The following ABLIM3 variants were observed in gnomAD, a reference collection of about 807,000 sequenced individuals.
ABLIM3 encodes the protein actin-binding LIM protein 3.
A neutral mutation model predicts 109.5 loss-of-function variants in ABLIM3; 61 were observed. The ratio of observed to expected loss-of-function variants is 0.56; its 90% CI spans 0.45 to 0.69. The LOEUF (loss-of-function observed/expected upper bound fraction) is 0.69. Among genes scored for constraint, ABLIM3 ranks in the 30% least tolerant of loss-of-function variants. ABLIM3 has a pLI of 0.00. For synonymous variants in ABLIM3, 300 were observed against 324.8 expected, an observed-to-expected ratio of 0.92 and a Z score of 0.82; for missense variants, 796 against 889.5, an observed-to-expected ratio of 0.89 and a Z score of 1.34.
chr5:149,192,228 C>A, intron 3 of ABLIM3, among the ~76,000 whole-genome samples: 1 of 151,536 alleles, frequency 6.6e-6, no homozygotes. Flanking sequence ...AAAAAAAAAC[C>A]TATTATTTTT....
At position 149,180,175 on chromosome 5, in the gene ABLIM3, G is replaced by A. The variant is rs76562508; in HGVS notation, c.14-3277G>A. The stretch of plus-strand genomic sequence containing the variant: ...CATAAGAGGTAGTTCAAATATTCAC[G>A]TGTAAGTCAATTTGGAATTCAAAAG... On this transcript the variant is annotated intron_variant, in intron 2 of 23. Transcript: ENST00000309868. Among the ~76,000 whole-genome samples, 1,550 of 152,278 alleles carry A rather than the reference G, an allele frequency of 0.01. 52 individuals carry two copies. The East Asian group carries it at 0.11, about 11-fold the overall frequency.
chr5:149,203,586 A>G (rs1248445427), intron 5 of ABLIM3, among the ~76,000 whole-genome samples: 3 of 152,072 alleles, frequency 2.0e-5, no homozygotes, highest in African/African-American at 4.8e-5. Context: ...CAACACCACC[A>G]TCACCATCAA....
At chr5:149,214,663 C>G (rs1445058905) in intron 7 of ABLIM3, among the ~76,000 whole-genome samples, 1 of 152,212 alleles carries the variant, frequency 6.6e-6, no homozygotes, top group African/African-American at 2.4e-5. Context: ...AGCACATCGT[C>G]TGGCACACTG....
At chr5:149,223,995 C>T (rs1362470429) in intron 8 of ABLIM3, among the ~76,000 whole-genome samples, 1 of 152,156 alleles carries the variant, frequency 6.6e-6, no homozygotes, top group East Asian at 1.9e-4. Flanking sequence ...AATGGCCATT[C>T]CCATGTTGCA....
chr5:149,189,364 T>G (rs1355327449), intron 3 of ABLIM3, among the ~76,000 whole-genome samples: 2 of 152,204 alleles, frequency 1.3e-5, no homozygotes, highest in African/African-American at 4.8e-5. Context: ...TTAGATATTA[T>G]CAAAATTTAA....
At chr5:149,225,939 ATGTATG>A (rs1761150713) in intron 8 of ABLIM3, among the ~76,000 whole-genome samples, 17 of 141,824 alleles carry the variant, frequency 1.2e-4, no homozygotes, top group African/African-American at 4.0e-4. Context: ...ATATATATAT[ATGTATG>A]TATGTATATA....
chr5:149,212,247 G>A (rs562748654), intron 7 of ABLIM3, among the ~76,000 whole-genome samples: 12 of 152,280 alleles, frequency 7.9e-5, no homozygotes, highest in Non-Finnish European at 7.4e-5. Flanking sequence ...CAAATGAGCA[G>A]AGCTGGGAAA....
chr5:149,192,797 A>G (rs1459971064), intron 3 of ABLIM3, among the ~76,000 whole-genome samples: 3 of 145,326 alleles, frequency 2.1e-5, no homozygotes, highest in Admixed American at 6.7e-5. Context: ...ATAGAAGTGC[A>G]GAACATCAAT....
chr5:149,239,171 T>C, intron 11 of ABLIM3, 77 bp from the exon 12 acceptor site: 1 of 1,448,732 alleles, frequency 6.9e-7, no homozygotes, highest in Non-Finnish European at 9.7e-7. Flanking sequence ...CATCTAACCA[T>C]GCTCTGTCCT....
chr5:149,164,287 G>T (rs1008756415), intron 2 of ABLIM3: 8 of 152,166 alleles, frequency 5.3e-5, no homozygotes, highest in African/African-American at 9.7e-5. Flanking sequence ...CATTTATGCT[G>T]ACCAAAAACT....
intron 2 of ABLIM3, 117 bp downstream of exon 2, chr5:149,142,225 C>T (rs879356301): frequency 5.5e-5 from 79 of 1,430,538 alleles, no homozygotes; most frequent in Non-Finnish European, 7.6e-5. Flanking sequence ...GGACACATGA[C>T]CCCCAGGCTC....
intron 2 of ABLIM3, among the ~76,000 whole-genome samples, chr5:149,161,131 GC>G (rs1310364436): frequency 6.6e-6 from 1 of 152,190 alleles, no homozygotes; most frequent in Non-Finnish European, 1.5e-5. Flanking sequence ...CTGTCCTCTA[GC>G]CCAGGGCACC....
At chr5:149,226,745 T>C (rs1281041990) in intron 8 of ABLIM3, among the ~76,000 whole-genome samples, 1 of 152,162 alleles carries the variant, frequency 6.6e-6, no homozygotes, top group Non-Finnish European at 1.5e-5. Context: ...TCTAGAAGAC[T>C]ATGATACCAA....
At chr5:149,228,060 G>C (rs1433093208) in intron 8 of ABLIM3, among the ~76,000 whole-genome samples, 2 of 152,174 alleles carry the variant, frequency 1.3e-5, no homozygotes, top group Non-Finnish European at 2.9e-5. Flanking sequence ...ACATCCCTTA[G>C]TGTAAGTACT....
chr5:149,196,742 T>C (rs1758016745), intron 3 of ABLIM3, among the ~76,000 whole-genome samples: 1 of 152,252 alleles, frequency 6.6e-6, no homozygotes, highest in African/African-American at 2.4e-5. Context: ...ACAGTTCTGG[T>C]GGCCCTGTGA....
At chr5:149,257,710 A>G (rs80186094) in intron 23 of ABLIM3, among the ~76,000 whole-genome samples, 106 of 152,342 alleles carry the variant, frequency 7.0e-4, no homozygotes, top group African/African-American at 2.5e-3. Context: ...AAAATCCACT[A>G]TAGAATGCAG....
chr5:149,223,172 T>C (rs147082440), intron 8 of ABLIM3, among the ~76,000 whole-genome samples: 2 of 152,170 alleles, frequency 1.3e-5, no homozygotes, highest in African/African-American at 4.8e-5. Context: ...TTGAATCATA[T>C]AGAAAGTATT....
intron 2 of ABLIM3, chr5:149,163,944 A>G (rs1359737327): frequency 2.0e-5 from 3 of 152,228 alleles, no homozygotes; most frequent in Admixed American, 6.5e-5. Flanking sequence ...TGGTCACACA[A>G]CAAGTCAACA....
intron 5 of ABLIM3, among the ~76,000 whole-genome samples, chr5:149,204,311 C>A (rs1758762442): frequency 6.6e-6 from 1 of 152,292 alleles, no homozygotes; most frequent in South Asian, 2.1e-4. Context: ...GCTCTGCAGA[C>A]ACCAACTTGG....
Sources: allele counts gnomAD v4.1 joint callset (sites outside exome capture counted in the v4.1 genomes callset), GRCh38; gene constraint gnomAD v4.1.1; transcripts MANE v1.5; gene names NCBI Gene and HGNC (gene_info 2026-07-23, HGNC 2026-07-21).